Variants in NDUFC2 observed in about 807,000 individuals in gnomAD.
The protein encoded by NDUFC2 is NADH dehydrogenase [ubiquinone] 1 subunit C2.
In NDUFC2, 2 loss-of-function variants were observed where a neutral mutation model predicts 10.1. The observed-to-expected ratio is 0.20, with a 90% CI of 0.08 to 0.62. NDUFC2 has a LOEUF of 0.62. Ranked by LOEUF, NDUFC2 falls within the 20% of genes least tolerant of loss-of-function variation. The pLI is 0.87. For synonymous variants in NDUFC2, 61 were observed against 63.6 expected, an observed-to-expected ratio of 0.96 and a Z score of 0.20; for missense variants, 156 against 159.6, an observed-to-expected ratio of 0.98 and a Z score of 0.12.
Position 78,069,998 on chromosome 11 carries a change from G to A in NDUFC2, c.349C>T (p.Pro117Ser), listed in dbSNP as rs1858925536. The A allele has an allele frequency of 6.2e-7, 1 of 1,607,748 alleles. No individual in the cohort carries two copies. The highest frequency in any genetic ancestry group is 1.3e-5 in the African/African-American group (1 of 74,772). Residue 117 changes from proline to serine, a missense_variant, in exon 3 of 3, where the codon CCA becomes TCA. Transcript: ENST00000281031. The stretch of plus-strand genomic sequence containing the variant: ...GCATTTTGAAGACTTCAACGTATTG[G>A]ATGGAATTTTTCAAAAATTTCACCA... ...TYGEIFEKFH[P>S]IR
Position 78,079,681 on chromosome 11 carries a change from G to A in NDUFC2, c.64C>T (p.Pro22Ser), listed in dbSNP as rs1288212530. The A allele has an allele frequency of 3.1e-6, 5 of 1,610,006 alleles. No homozygotes were observed. The highest frequency in any genetic ancestry group is 4.2e-6 in the Non-Finnish European group (5 of 1,178,484). Residue 22 changes from proline (P) to serine (S), a missense_variant, in exon 1 of 3, where the codon CCG (proline) becomes TCG (serine). Coordinates refer to ENST00000281031, the MANE Select transcript of NDUFC2 (RefSeq NM_004549.6). ...AGCCGCGGGTCGGTCAGCTTGGGCGGGGGCAGGCTCCGGGCCTCATCCGGC... is the reference window on the plus strand; with the variant it reads ...AGCCGCGGGTCGGTCAGCTTGGGCGAGGGCAGGCTCCGGGCCTCATCCGGC... ...FLPDEARSLP[P>S]PKLTDPRLLY...
At chr11:78,077,496 G>A (rs976584489) in intron 1 of NDUFC2, among the ~76,000 whole-genome samples, 5 of 152,064 alleles carry the variant, frequency 3.3e-5, no homozygotes, top group African/African-American at 9.7e-5. Context: ...GGCTCTGATC[G>A]ACCTGACCAT....
At chr11:78,077,487 G>T (rs924557397) in intron 1 of NDUFC2, among the ~76,000 whole-genome samples, 4 of 152,084 alleles carry the variant, frequency 2.6e-5, no homozygotes, top group Non-Finnish European at 5.9e-5. Context: ...GGAAACTTTG[G>T]CTCTGATCGA....
At chr11:78,079,271 G>A (rs993928543) in intron 1 of NDUFC2, among the ~76,000 whole-genome samples, 1 of 152,162 alleles carries the variant, frequency 6.6e-6, no homozygotes, top group Non-Finnish European at 1.5e-5. Flanking sequence ...TGTGAGTAGT[G>A]CATGGCATGG....
rs138188967 is a variant in NDUFC2, at chr11:78,068,994, T to A, written c.*993A>T. The A allele has an allele frequency of 6.6e-6, 1 of 151,762 alleles. No homozygotes were observed. Among genetic ancestry groups the A allele is most frequent in the South Asian group, 2.1e-4 (1 of 4,808 alleles). 9.4% of individuals were successfully genotyped at this position (151,762 alleles called of 1,614,324 possible). A position where few individuals can be genotyped will look rare whatever the true frequency, so the allele number is the denominator to read the frequency against. ...TCCTCGAATTCCAGGGCTCAATAGA[T>A]CCTCCCACCTCAGCCTTATGAGTAG... On this transcript the variant is annotated 3_prime_UTR_variant, in exon 3 of 3. Transcript: ENST00000281031.
At chr11:78,071,188 C>T (rs1380179348) in intron 2 of NDUFC2, among the ~76,000 whole-genome samples, 3 of 151,636 alleles carry the variant, frequency 2.0e-5, no homozygotes, top group Non-Finnish European at 2.9e-5. Flanking sequence ...CTAAATAAGA[C>T]CTTAGAGATC....
rs1463517635 is a variant in NDUFC2 at position 78,069,688 on chromosome 11, T to C, written c.*299A>G. On this transcript the variant is annotated 3_prime_UTR_variant, in exon 3 of 3. Transcript: ENST00000281031. ...TAAACAACATGTAAACAAATGAGCA[T>C]GGCTGTGTTCCAATGAGACTTTATT... is the stretch of plus-strand genomic sequence containing the variant. The C allele has an allele frequency of 3.3e-6, 2 of 602,858 alleles. No individual in the cohort carries two copies. The highest frequency in any genetic ancestry group is 2.8e-5 in the East Asian group (1 of 35,592). The allele number at this position is 602,858 out of a possible 1,614,324, so 37.3% of individuals were successfully genotyped here.
intron 2 of NDUFC2, among the ~76,000 whole-genome samples, chr11:78,072,327 G>A (rs756950417): frequency 1.1e-4 from 16 of 152,228 alleles, no homozygotes; most frequent in African/African-American, 2.2e-4. Context: ...ACAGGCACCC[G>A]CCATCATGCC....
At position 78,069,651 on chromosome 11, in the gene NDUFC2, T is replaced by C. The variant is rs1257357834; in HGVS notation, c.*336A>G. 3 of 559,760 alleles carry C rather than the reference T, an allele frequency of 5.4e-6. No homozygotes were observed. Among genetic ancestry groups the C allele is most frequent in the Non-Finnish European group, 9.3e-6 (3 of 322,280 alleles). The allele number at this position is 559,760 out of a possible 1,614,324, so 34.7% of individuals were successfully genotyped here. A position where few individuals can be genotyped will look rare whatever the true frequency, so the allele number is the denominator to read the frequency against. Reference sequence around the variant, plus strand: ...ACTACTCAATTCTGCTCTTGCAGCATGGCAGTCGCCATAAACAACATGTAA... The same window carrying C: ...ACTACTCAATTCTGCTCTTGCAGCACGGCAGTCGCCATAAACAACATGTAA... On this transcript the variant is annotated 3_prime_UTR_variant, in exon 3 of 3. Coordinates refer to ENST00000281031, the MANE Select transcript of NDUFC2 (RefSeq NM_004549.6).
rs749847509 is a variant in NDUFC2 at position 78,068,782 on chromosome 11, CTCAA to C, written c.*1201_*1204del. The C allele has an allele frequency of 0.083, 11,453 of 137,766 alleles. 520 individuals are homozygous for C. The highest frequency in any genetic ancestry group is 0.11 in the Non-Finnish European group (6,877 of 64,506). The allele number at this position is 137,766 out of a possible 1,614,324, so 8.5% of individuals were successfully genotyped here. A position where few individuals can be genotyped will look rare whatever the true frequency, so the allele number is the denominator to read the frequency against. On this transcript the variant is annotated 3_prime_UTR_variant, in exon 3 of 3. Coordinates refer to ENST00000281031, the MANE Select transcript of NDUFC2 (RefSeq NM_004549.6). ...CCTGATGACAGAGCAAGACTGTCGT[CTCAA>C]AAAAAAAAAAAAAAATACCACATAT...
chr11:78,078,376 C>T (rs998219394), intron 1 of NDUFC2, among the ~76,000 whole-genome samples: 1 of 152,172 alleles, frequency 6.6e-6, no homozygotes, highest in Non-Finnish European at 1.5e-5. Context: ...CATCAAACAC[C>T]CTCCATTCAG....
chr11:78,078,728 C>CTTTTTTTTTTTTTTTTTTTTTTTTT lies in NDUFC2; in HGVS notation c.166+850_166+851insAAAAAAAAAAAAAAAAAAAAAAAAA. On this transcript the variant is annotated intron_variant, in intron 1 of 2. Coordinates refer to ENST00000281031, the MANE Select transcript of NDUFC2 (RefSeq NM_004549.6). ...CCCAGACCTCATGAATCAGGATCCG[C>CTTTTTTTTTTTTTTTTTTTTTTTTT]TTTTTTTTTTTTTTTGAGACAGGGT... 1.4e-3 allele frequency among the ~76,000 whole-genome samples: 85 copies of CTTTTTTTTTTTTTTTTTTTTTTTTT among 61,606 alleles called. 28 individuals are homozygous for CTTTTTTTTTTTTTTTTTTTTTTTTT. The highest frequency in any genetic ancestry group is 2.4e-3 in the African/African-American group (38 of 16,010). The allele number at this position is 61,606 out of a possible 152,430, so 40.4% of individuals were successfully genotyped here.
chr11:78,076,275 G>C (rs1859247682), intron 1 of NDUFC2, among the ~76,000 whole-genome samples: 1 of 152,130 alleles, frequency 6.6e-6, no homozygotes, highest in Admixed American at 6.5e-5. Context: ...CCGAGTAGCT[G>C]GGATTACAGG....
At chr11:78,073,174 A>C in intron 1 of NDUFC2, 33 bp from the exon 2 acceptor site, 1 of 1,612,492 alleles carries the variant, frequency 6.2e-7, no homozygotes, top group Admixed American at 1.7e-5. Context: ...CAAAGAAAGC[A>C]AAAATTAGTC....
rs1291496680 is a variant in NDUFC2, at chr11:78,069,056, T to C, written c.*931A>G. Reference sequence around the variant, plus strand: ...GGAACGTGCCACCACGCCCAGCTAATTTTTGTATTTTATGTAGAGACAGTG... The same window carrying C: ...GGAACGTGCCACCACGCCCAGCTAACTTTTGTATTTTATGTAGAGACAGTG... On this transcript the variant is annotated 3_prime_UTR_variant, in exon 3 of 3. Transcript: ENST00000281031. The C allele has an allele frequency of 6.6e-6, 1 of 152,036 alleles. No homozygotes were observed. The highest frequency in any genetic ancestry group is 1.5e-5 in the Non-Finnish European group (1 of 68,034). 9.4% of individuals were successfully genotyped at this position (152,036 alleles called of 1,614,324 possible). A position where few individuals can be genotyped will look rare whatever the true frequency, so the allele number is the denominator to read the frequency against.
chr11:78,070,757 G>C (rs903071654), intron 2 of NDUFC2, among the ~76,000 whole-genome samples: 1 of 152,210 alleles, frequency 6.6e-6, no homozygotes, highest in African/African-American at 2.4e-5. Flanking sequence ...AGCTAGGAGA[G>C]GCCAACAGCC....
At chr11:78,072,727 C>T in intron 2 of NDUFC2, 3 of 512,720 alleles carry the variant, frequency 5.9e-6, no homozygotes, top group East Asian at 6.4e-5. Flanking sequence ...GCTTGAGTGT[C>T]CAGGTGGACA....
Position 78,079,588 on chromosome 11 carries a change from C to T in NDUFC2, c.157G>A (p.Ala53Thr). The part of the protein sequence containing the change: ...IDNLIRRRPI[A>T]TAGLHRQLLY... ...GCCGCGCAGCACTCACCAGCCGTCG[C>T]GATCGGCCTCCGCCGGATTAGGTTA... Residue 53 changes from alanine to threonine, a missense_variant, in exon 1 of 3, where the codon GCG becomes ACG. Ala to Thr is a moderately conservative substitution (Grantham distance 58). Transcript: ENST00000281031. 6.4e-7 allele frequency: 1 copy of T among 1,552,050 alleles called. No homozygotes were observed. Among genetic ancestry groups the T allele is most frequent in the Non-Finnish European group, 8.7e-7 (1 of 1,148,192 alleles).
Position 78,074,920 on chromosome 11 carries a change from G to C in NDUFC2, c.167-1779C>G, listed in dbSNP as rs554851877. Among the ~76,000 whole-genome samples, 141 of 152,228 alleles carry C rather than the reference G, an allele frequency of 9.3e-4. 2 individuals are homozygous for C. The highest frequency in any genetic ancestry group is 3.2e-3 in the African/African-American group (131 of 41,536). On this transcript the variant is annotated intron_variant, in intron 1 of 2. Coordinates refer to ENST00000281031, the MANE Select transcript of NDUFC2 (RefSeq NM_004549.6). ...TTCCTCACAGAAAGACTCCATAAGC[G>C]TTCGAGATGATGATGTCAGCATCCT...
Sources: allele counts gnomAD v4.1 joint callset (sites outside exome capture counted in the v4.1 genomes callset), GRCh38; gene constraint gnomAD v4.1.1; transcripts MANE v1.5; gene names NCBI Gene and HGNC (gene_info 2026-07-23, HGNC 2026-07-21).